The following PLEKHA2 variants were observed in gnomAD, a reference collection of about 807,000 sequenced individuals.
The protein encoded by PLEKHA2 is pleckstrin homology domain containing A2.
In PLEKHA2, 28 loss-of-function variants were observed where a neutral mutation model predicts 53.2. The observed-to-expected ratio is 0.53, with a 90% CI of 0.39 to 0.72. The LOEUF (loss-of-function observed/expected upper bound fraction) is 0.72. PLEKHA2 is among the 30% of genes least tolerant of loss of function. PLEKHA2 has a pLI of 0.00. For synonymous variants in PLEKHA2, 193 were observed against 196.4 expected (o/e 0.98, Z 0.14); for missense variants, 426 against 537.9 (o/e 0.79, Z 2.06).
At chr8:38,949,090 C>T (rs553434317) in intron 5 of PLEKHA2, among the ~76,000 whole-genome samples, 2 of 152,138 alleles carry the variant, frequency 1.3e-5, no homozygotes, top group Admixed American at 6.5e-5. Context: ...AGGCTAGTCT[C>T]GAACTCCCGA....
intron 10 of PLEKHA2, among the ~76,000 whole-genome samples, chr8:38,959,739 G>A (rs1564154301): frequency 6.6e-6 from 1 of 152,232 alleles, no homozygotes. Flanking sequence ...TATTAAAAAG[G>A]TATATTTTCC....
At chr8:38,928,035 G>C (rs2129417507) in intron 2 of PLEKHA2, among the ~76,000 whole-genome samples, 1 of 152,094 alleles carries the variant, frequency 6.6e-6, no homozygotes, top group East Asian at 1.9e-4. Flanking sequence ...TGGAATTACT[G>C]ACAGAGGCTG....
intron 1 of PLEKHA2, among the ~76,000 whole-genome samples, chr8:38,903,850 A>G (rs1291778822): frequency 6.6e-6 from 1 of 152,162 alleles, no homozygotes; most frequent in African/African-American, 2.4e-5. Context: ...CTTGGAAAAG[A>G]GGATCTGGGT....
intron 8 of PLEKHA2, 118 bp downstream of exon 8, chr8:38,952,822 G>C (rs189569674): frequency 1.9e-6 from 2 of 1,035,134 alleles, no homozygotes; most frequent in African/African-American, 3.2e-5. Flanking sequence ...CTTCAAAGGC[G>C]CCTCTGTCTT....
At chr8:38,950,357 G>A (rs188177862) in intron 5 of PLEKHA2, among the ~76,000 whole-genome samples, 1 of 152,108 alleles carries the variant, frequency 6.6e-6, no homozygotes, top group Admixed American at 6.5e-5. Flanking sequence ...TACCCTCCAG[G>A]TTGCCGTTTG....
chr8:38,951,093 GA>G, intron 6 of PLEKHA2, 103 bp downstream of exon 6: 4 of 846,386 alleles, frequency 4.7e-6, no homozygotes, highest in African/African-American at 1.7e-5. Context: ...AGGAGGGTGG[GA>G]GTGGGGGGCA....
chr8:38,914,898 C>T (rs573139728), intron 1 of PLEKHA2, among the ~76,000 whole-genome samples: 29 of 152,162 alleles, frequency 1.9e-4, no homozygotes, highest in Admixed American at 3.9e-4. Context: ...ATAGTGCTCA[C>T]GGGCTGGGAC....
chr8:38,930,550 G>T (rs534755802), intron 2 of PLEKHA2, among the ~76,000 whole-genome samples: 3 of 152,288 alleles, frequency 2.0e-5, no homozygotes, highest in South Asian at 2.1e-4. Flanking sequence ...GCCCTATGTG[G>T]TTCCACAAAA....
At chr8:38,928,488 A>G (rs892035887) in intron 2 of PLEKHA2, among the ~76,000 whole-genome samples, 11 of 151,914 alleles carry the variant, frequency 7.2e-5, no homozygotes, top group Admixed American at 2.6e-4. Context: ...ACCTCAAGTG[A>G]TCCACCCGCC....
rs764489062 is a variant in PLEKHA2 at position 38,957,319 on chromosome 8, C to A, written c.774-4C>A. On this transcript the variant is annotated splice_polypyrimidine_tract_variant and splice_region_variant and intron_variant, in intron 9 of 11. Coordinates refer to ENST00000617275, the MANE Select transcript of PLEKHA2 (RefSeq NM_021623.2). ...CATAACATTCTTTCTCTTTCTCTGT[C>A]TAGTGATCTCTTAATGAGGGACAAC... 1 of 1,609,900 alleles carries A rather than the reference C, an allele frequency of 6.2e-7. No individual in the cohort carries two copies. Among genetic ancestry groups the A allele is most frequent in the Non-Finnish European group, 8.5e-7 (1 of 1,176,458 alleles).
At chr8:38,904,588 G>T (rs971146649) in intron 1 of PLEKHA2, among the ~76,000 whole-genome samples, 2 of 152,194 alleles carry the variant, frequency 1.3e-5, no homozygotes, top group Admixed American at 1.3e-4. Context: ...TAACTCTCAG[G>T]GTAGCCTGGC....
intron 10 of PLEKHA2, among the ~76,000 whole-genome samples, chr8:38,960,644 C>T (rs1370510604): frequency 6.6e-6 from 1 of 152,202 alleles, no homozygotes; most frequent in African/African-American, 2.4e-5. Flanking sequence ...CAGGATTCTC[C>T]TATCTGCTTC....
chr8:38,907,115 G>T (rs1302231690), intron 1 of PLEKHA2, among the ~76,000 whole-genome samples: 1 of 152,098 alleles, frequency 6.6e-6, no homozygotes, highest in Non-Finnish European at 1.5e-5. Flanking sequence ...CGTACCACAC[G>T]CCCCACTCCT....
intron 3 of PLEKHA2, among the ~76,000 whole-genome samples, chr8:38,937,889 A>G (rs979286410): frequency 6.6e-6 from 1 of 152,198 alleles, no homozygotes; most frequent in Non-Finnish European, 1.5e-5. Context: ...TGGCCTGGCC[A>G]GAGGGCTGCG....
intron 2 of PLEKHA2, among the ~76,000 whole-genome samples, chr8:38,925,577 CA>C (rs1834271597): frequency 6.6e-6 from 1 of 152,146 alleles, no homozygotes; most frequent in Non-Finnish European, 1.5e-5. Flanking sequence ...ATCAAATAAC[CA>C]AAAAGATTGC....
intron 2 of PLEKHA2, among the ~76,000 whole-genome samples, chr8:38,929,710 G>T (rs1412034559): frequency 6.6e-6 from 1 of 152,154 alleles, no homozygotes; most frequent in Non-Finnish European, 1.5e-5. Context: ...TCTTTCTCAG[G>T]CTGTTACTTT....
chr8:38,921,374 G>A (rs1834191475), intron 2 of PLEKHA2, among the ~76,000 whole-genome samples: 1 of 152,214 alleles, frequency 6.6e-6, no homozygotes, highest in Non-Finnish European at 1.5e-5. Context: ...GGGGAATCCT[G>A]TCTGGCTGTT....
At position 38,969,326 on chromosome 8, in the gene PLEKHA2, G is replaced by A. The variant is rs374711324; in HGVS notation, c.916-95G>A. ...AGCATCCTTGGACTTATGAGGTGGT[G>A]ATCCTGGTTGGGTACTCTTTCTGGG... is the stretch of plus-strand genomic sequence containing the variant. On this transcript the variant is annotated intron_variant, in intron 11 of 11. Transcript: ENST00000617275. 2.0e-5 allele frequency: 29 copies of A among 1,421,424 alleles called. 1 individual carries two copies. The African/African-American group carries it at 3.0e-4, about 15-fold the overall frequency. 88.1% of individuals were successfully genotyped at this position (1,421,424 alleles called of 1,614,324 possible).
intron 1 of PLEKHA2, among the ~76,000 whole-genome samples, chr8:38,913,141 A>C (rs774657808): frequency 3.3e-5 from 5 of 152,176 alleles, no homozygotes; most frequent in Non-Finnish European, 7.3e-5. Context: ...AGGCTGGTGG[A>C]TCACCTGAGG....
Sources: allele counts gnomAD v4.1 joint callset (sites outside exome capture counted in the v4.1 genomes callset), GRCh38; gene constraint gnomAD v4.1.1; transcripts MANE v1.5; gene names NCBI Gene and HGNC (gene_info 2026-07-23, HGNC 2026-07-21).